Variants in FBRSL1 observed in about 807,000 individuals in gnomAD.
FBRSL1 encodes the protein fibrosin-1-like protein.
Under a neutral mutation model 89.6 loss-of-function variants are expected in FBRSL1, and 51 were observed. That is an observed-to-expected ratio of 0.57 (90% CI 0.45 to 0.72). The LOEUF is 0.72. Ranked by LOEUF, FBRSL1 falls within the 30% of genes least tolerant of loss-of-function variation. The probability of loss-of-function intolerance (pLI) is 0.00; values close to 1 mark genes in which losing one functional copy is unlikely to be tolerated. For missense variants in FBRSL1, 1,618 were observed against 1,451.8 expected (o/e 1.11, Z -1.86); for synonymous variants, 779 against 681.1 (o/e 1.14, Z -2.24).
chr12:132,580,003 C>G (rs932912484), intron 15 of FBRSL1, among the ~76,000 whole-genome samples: 3 of 152,212 alleles, frequency 2.0e-5, no homozygotes, highest in Non-Finnish European at 4.4e-5. Context: ...TCCGCAGGCC[C>G]TGGCAATTCT....
chr12:132,562,589 G>A (rs1277201316), intron 5 of FBRSL1, among the ~76,000 whole-genome samples: 2 of 42,628 alleles, frequency 4.7e-5, no homozygotes, highest in South Asian at 8.3e-4. Flanking sequence ...GACCGCACAG[G>A]GTGAGCAGAC....
chr12:132,538,163 A>G (rs532642052), intron 4 of FBRSL1, among the ~76,000 whole-genome samples: 26 of 152,278 alleles, frequency 1.7e-4, no homozygotes, highest in Non-Finnish European at 3.2e-4. Context: ...TTTGATTCAT[A>G]GGAGGTCCTG....
intron 1 of FBRSL1, among the ~76,000 whole-genome samples, chr12:132,492,606 C>T (rs766664556): frequency 6.6e-5 from 10 of 152,234 alleles, no homozygotes; most frequent in Non-Finnish European, 1.3e-4. Flanking sequence ...ACGTGTTTTG[C>T]CCGCAGCGGC....
chr12:132,509,822 G>A, intron 2 of FBRSL1: 1 of 1,231,716 alleles, frequency 8.1e-7, no homozygotes, highest in Non-Finnish European at 1.0e-6. Flanking sequence ...CCCAGTGCCA[G>A]CGGTACCAGC....
intron 1 of FBRSL1, among the ~76,000 whole-genome samples, chr12:132,498,265 G>A (rs866395251): frequency 1.3e-5 from 2 of 152,168 alleles, no homozygotes; most frequent in African/African-American, 2.4e-5. Context: ...GGGGCCGGGG[G>A]CTGTGTTGGG....
intron 5 of FBRSL1, among the ~76,000 whole-genome samples, chr12:132,559,375 C>T (rs1439422960): frequency 6.6e-6 from 1 of 152,216 alleles, no homozygotes; most frequent in Non-Finnish European, 1.5e-5. Context: ...CAACTCTCCA[C>T]AGTGGCAATG....
At chr12:132,555,735 C>T (rs933640264) in intron 5 of FBRSL1, among the ~76,000 whole-genome samples, 2 of 152,208 alleles carry the variant, frequency 1.3e-5, no homozygotes, top group East Asian at 3.9e-4. Flanking sequence ...CCTCACATGG[C>T]CCCTCCTGTG....
intron 5 of FBRSL1, among the ~76,000 whole-genome samples, chr12:132,548,984 C>T (rs568436300): frequency 6.6e-6 from 1 of 152,312 alleles, no homozygotes; most frequent in South Asian, 2.1e-4. Flanking sequence ...AGGGGACGCC[C>T]ACTGTGGCCC....
At position 132,583,720 on chromosome 12, in the gene FBRSL1, C is replaced by G. The variant is rs975311727; in HGVS notation, c.2951C>G (p.Pro984Arg). The G allele has an allele frequency of 1.7e-6, 2 of 1,210,178 alleles. No homozygotes were observed. Among genetic ancestry groups the G allele is most frequent in the South Asian group, 4.1e-5 (1 of 24,146 alleles). The allele number at this position is 1,210,178 out of a possible 1,614,324, so 75.0% of individuals were successfully genotyped here. A position where few individuals can be genotyped will look rare whatever the true frequency, so the allele number is the denominator to read the frequency against. ...SRTTPLGGLG[P>R]GEARDYSPSR... is the part of the protein sequence containing the mutation. ...ACTACTCCGCTGGGGGGCCTCGGGC[C>G]GGGCGAGGCGCGCGACTACTCCCCG... The change falls in exon 19 of 19, where the codon CCG becomes CGG. Residue 984 changes from proline to arginine, a missense_variant. Transcript: ENST00000680143.
At chr12:132,511,870 C>T in intron 2 of FBRSL1, 1 of 985,286 alleles carries the variant, frequency 1.0e-6, no homozygotes, top group Non-Finnish European at 1.2e-6. Context: ...CGGTGCTCAC[C>T]TGGGGCCTCC....
chr12:132,523,830 G>A (rs547108726), intron 2 of FBRSL1, among the ~76,000 whole-genome samples: 18 of 152,324 alleles, frequency 1.2e-4, no homozygotes, highest in Admixed American at 7.8e-4. Flanking sequence ...GGGACCCCGC[G>A]TTGAGAACCG....
At chr12:132,497,512 C>A (rs1312408068) in intron 1 of FBRSL1, among the ~76,000 whole-genome samples, 1 of 152,184 alleles carries the variant, frequency 6.6e-6, no homozygotes. Flanking sequence ...GCTGCCCCCT[C>A]CCTCCGGACT....
intron 1 of FBRSL1, among the ~76,000 whole-genome samples, chr12:132,491,403 G>A (rs7295014): frequency 0.6 from 91,209 of 152,134 alleles, 28,086 homozygotes; most frequent in Middle Eastern, 0.73. Context: ...CTGACGGACA[G>A]TATTTGCTGA....
chr12:132,559,302 G>A (rs2038919262), intron 5 of FBRSL1, among the ~76,000 whole-genome samples: 1 of 152,258 alleles, frequency 6.6e-6, no homozygotes, highest in Admixed American at 6.5e-5. Flanking sequence ...GGGAGAAACC[G>A]AGGCCCAGGG....
intron 2 of FBRSL1, chr12:132,509,927 G>A (rs568358845): frequency 1.4e-5 from 17 of 1,230,846 alleles, no homozygotes; most frequent in African/African-American, 1.1e-4. Flanking sequence ...TCCTAGCCCC[G>A]TGTCAGTACG....
intron 1 of FBRSL1, among the ~76,000 whole-genome samples, chr12:132,493,281 G>A (rs530842154): frequency 3.3e-5 from 5 of 152,358 alleles, no homozygotes; most frequent in Admixed American, 2.6e-4. Flanking sequence ...GCCCCCACCC[G>A]CGTCTTGAGG....
chr12:132,564,650 C>T (rs1031446569), intron 5 of FBRSL1, among the ~76,000 whole-genome samples: 1 of 121,464 alleles, frequency 8.2e-6, no homozygotes, highest in Non-Finnish European at 1.6e-5. Flanking sequence ...CGCCCGCCAC[C>T]ACGCCCGGCT....
chr12:132,566,762 G>T (rs958677580), intron 5 of FBRSL1, among the ~76,000 whole-genome samples: 3 of 151,376 alleles, frequency 2.0e-5, no homozygotes, highest in Non-Finnish European at 3.0e-5. Context: ...GAGCTTGGCC[G>T]GCCGCAGGCA....
chr12:132,508,080 C>T, intron 1 of FBRSL1, 73 bp from the exon 2 acceptor site: 3 of 1,407,808 alleles, frequency 2.1e-6, no homozygotes, highest in Non-Finnish European at 2.9e-6. Context: ...AAGAGCTGCT[C>T]AGGTGGGTGC....
Sources: gnomAD v4.1 joint callset for allele counts (sites outside exome capture counted in the v4.1 genomes callset) on GRCh38, gnomAD v4.1.1 for gene constraint, MANE v1.5 for transcripts, NCBI Gene and HGNC (gene_info 2026-07-23, HGNC 2026-07-21) for gene names.